Variants in COLGALT1 observed in about 807,000 individuals in gnomAD.
COLGALT1 encodes the protein procollagen galactosyltransferase 1.
In COLGALT1, 43 loss-of-function variants were observed where a neutral mutation model predicts 60.8. That is an observed-to-expected ratio of 0.71 (90% CI 0.55 to 0.91). The LOEUF is 0.91. COLGALT1 is among the 40% of genes least tolerant of loss of function. The pLI, the probability that COLGALT1 is intolerant of heterozygous loss-of-function variation, is 0.00. For synonymous variants in COLGALT1, 369 were observed against 374.2 expected, an observed-to-expected ratio of 0.99 and a Z score of 0.16; for missense variants, 845 against 880.0, an observed-to-expected ratio of 0.96 and a Z score of 0.50.
chr19:17,561,454 G>A (rs1406906356), intron 3 of COLGALT1, among the ~76,000 whole-genome samples: 3 of 151,734 alleles, frequency 2.0e-5, no homozygotes, highest in Non-Finnish European at 4.4e-5. Flanking sequence ...GCAGGAGGAA[G>A]GGGTCAGGGG....
intron 2 of COLGALT1, 150 bp downstream of exon 2, chr19:17,559,571 C>T: frequency 1.5e-6 from 1 of 647,324 alleles, no homozygotes; most frequent in South Asian, 1.8e-5. Context: ...GAGCCTCCCT[C>T]AGCTTTACAA....
At chr19:17,557,747 G>A (rs1482677044) in intron 1 of COLGALT1, among the ~76,000 whole-genome samples, 3 of 152,104 alleles carry the variant, frequency 2.0e-5, no homozygotes, top group Admixed American at 6.6e-5. Flanking sequence ...GACTACAGGC[G>A]TATGCCACTG....
rs1385786385 is a variant in COLGALT1 at position 17,582,549 on chromosome 19, G to A, written c.*1105G>A. On this transcript the variant is annotated 3_prime_UTR_variant, in exon 12 of 12. Transcript: ENST00000252599. ...GTTCAGTCTGCATTTTCGATCATGGGCTACATGCCGAGTGCTGGGGCACAG... is the reference window on the plus strand; with the variant it reads ...GTTCAGTCTGCATTTTCGATCATGGACTACATGCCGAGTGCTGGGGCACAG... 1.3e-5 allele frequency: 2 copies of A among 152,208 alleles called. No homozygotes were observed. Among genetic ancestry groups the A allele is most frequent in the Non-Finnish European group, 2.9e-5 (2 of 68,044 alleles). 9.4% of individuals were successfully genotyped at this position (152,208 alleles called of 1,614,324 possible).
At chr19:17,577,294 G>A (rs1335415473) in intron 7 of COLGALT1, 23 bp downstream of exon 7, 28 of 1,612,286 alleles carry the variant, frequency 1.7e-5, no homozygotes, top group Non-Finnish European at 2.3e-5. Context: ...TTCCCTGGAG[G>A]CGGGGCGGGG....
intron 5 of COLGALT1, among the ~76,000 whole-genome samples, chr19:17,569,139 G>A (rs1049701462): frequency 6.6e-6 from 1 of 152,044 alleles, no homozygotes; most frequent in African/African-American, 2.4e-5. Context: ...TTGAATATGG[G>A]AGGCGGAAGT....
At chr19:17,567,631 G>A in intron 4 of COLGALT1, 91 bp downstream of exon 4, 2 of 1,451,138 alleles carry the variant, frequency 1.4e-6, no homozygotes, top group Admixed American at 2.1e-5. Context: ...ACCTCGTGGT[G>A]TGTGTTTTAC....
intron 8 of COLGALT1, 97 bp from the exon 9 acceptor site, chr19:17,577,859 CA>C (rs2076353859): frequency 6.7e-7 from 1 of 1,488,142 alleles, no homozygotes; most frequent in African/African-American, 1.4e-5. Flanking sequence ...AGAGGTGGAC[CA>C]GCTGCTCAAC....
At chr19:17,567,185 C>T (rs2076284302) in intron 3 of COLGALT1, among the ~76,000 whole-genome samples, 1 of 152,186 alleles carries the variant, frequency 6.6e-6, no homozygotes, top group African/African-American at 2.4e-5. Flanking sequence ...ATCTCAGTGC[C>T]TAGAATTTTC....
chr19:17,558,996 TAA>T (rs1202747482), intron 1 of COLGALT1, among the ~76,000 whole-genome samples: 1 of 151,800 alleles, frequency 6.6e-6, no homozygotes, highest in African/African-American at 2.4e-5. Flanking sequence ...CCGTCTCTAC[TAA>T]AAATACAAAA....
At chr19:17,566,888 CG>C (rs1453770556) in intron 3 of COLGALT1, among the ~76,000 whole-genome samples, 1 of 152,046 alleles carries the variant, frequency 6.6e-6, no homozygotes, top group African/African-American at 2.4e-5. Context: ...CCGAGGTGGA[CG>C]AATCACATGA....
chr19:17,579,177 A>G (rs1407998052), intron 9 of COLGALT1, among the ~76,000 whole-genome samples: 7 of 152,040 alleles, frequency 4.6e-5, no homozygotes, highest in Middle Eastern at 3.2e-3. Flanking sequence ...CAAAAAAAAA[A>G]AAAAAGAAAA....
intron 6 of COLGALT1, among the ~76,000 whole-genome samples, chr19:17,576,586 A>T (rs1450073916): frequency 1.6e-5 from 2 of 128,754 alleles, no homozygotes; most frequent in African/African-American, 6.0e-5. Context: ...GGCTGGGAGC[A>T]GGGTGAAGCT....
At chr19:17,578,673 C>G (rs907402452) in intron 9 of COLGALT1, among the ~76,000 whole-genome samples, 2 of 152,196 alleles carry the variant, frequency 1.3e-5, no homozygotes, top group Non-Finnish European at 2.9e-5. Context: ...AAGATCGTGC[C>G]ACTGCACTGC....
intron 3 of COLGALT1, among the ~76,000 whole-genome samples, chr19:17,565,267 T>G (rs2076273965): frequency 6.6e-6 from 1 of 151,988 alleles, no homozygotes; most frequent in Admixed American, 6.6e-5. Context: ...GCGATTCTCC[T>G]GCGTTAGTCT....
At chr19:17,575,939 T>C (rs1192199336) in intron 6 of COLGALT1, among the ~76,000 whole-genome samples, 1 of 152,194 alleles carries the variant, frequency 6.6e-6, no homozygotes, top group Non-Finnish European at 1.5e-5. Context: ...TGGTTGGCAC[T>C]GGGGAGACAC....
chr19:17,577,464 G>A lies in COLGALT1; in HGVS notation c.1130G>A (p.Gly377Asp). 1 of 1,350,236 alleles carries A rather than the reference G, an allele frequency of 7.4e-7. No homozygotes were observed. Among genetic ancestry groups the A allele is most frequent in the Non-Finnish European group, 9.6e-7 (1 of 1,041,214 alleles). The allele number at this position is 1,350,236 out of a possible 1,614,324, so 83.6% of individuals were successfully genotyped here. The change falls in exon 8 of 12, where the codon GGC becomes GAC. Residue 377 changes from glycine (G) to aspartate (D), a missense_variant. Gly to Asp is a moderately conservative substitution (Grantham distance 94, BLOSUM62 -1). Coordinates refer to ENST00000252599, the MANE Select transcript of COLGALT1 (RefSeq NM_024656.4). The part of the protein sequence containing the change: ...IECRLVEAVD[G>D]KAMNTSQVEA... ...TGCCGGCTGGTGGAGGCCGTGGACG[G>A]CAAGTGAGTCCGAGGCCTGGGGGTG...
At position 17,567,286 on chromosome 19, in the gene COLGALT1, T is replaced by A. The variant is rs1243350356; in HGVS notation, c.490-120T>A. On this transcript the variant is annotated intron_variant, in intron 3 of 11. Transcript: ENST00000252599. ...GGGGTCCCTGCTTCATTTCATCCGGTGTAGGGGGTGCTTCCAGAGGTCTTT... is the reference window on the plus strand; with the variant it reads ...GGGGTCCCTGCTTCATTTCATCCGGAGTAGGGGGTGCTTCCAGAGGTCTTT... The A allele has an allele frequency of 2.2e-6, 3 of 1,333,618 alleles. No homozygotes were observed. In the African/African-American group the frequency reaches 4.3e-5, roughly 19 times the overall value. 82.6% of individuals were successfully genotyped at this position (1,333,618 alleles called of 1,614,324 possible).
chr19:17,567,906 G>A (rs1568476394), intron 4 of COLGALT1, among the ~76,000 whole-genome samples: 3 of 151,946 alleles, frequency 2.0e-5, no homozygotes, highest in Non-Finnish European at 4.4e-5. Flanking sequence ...CCGAGATCAC[G>A]CCACTGCACT....
chr19:17,568,652 C>T lies in COLGALT1; in HGVS notation c.768C>T (p.His256=), dbSNP rs141075377. 1.1e-5 allele frequency: 18 copies of T among 1,614,228 alleles called. No individual in the cohort carries two copies. The highest frequency in any genetic ancestry group is 4.5e-5 in the East Asian group (2 of 44,888). The stretch of plus-strand genomic sequence containing the variant: ...GGAACCTGGCCTTCTACCCACCTCA[C>T]CCTGACTACACCTGGTCCTTTGACG... ...ASRNLAFYPP[H]PDYTWSFDDI... is the part of the protein sequence containing the mutation. The change falls in exon 5 of 12, where the codon CAC becomes CAT. Residue 256 remains histidine (H), a synonymous_variant. Transcript: ENST00000252599.
Sources: gnomAD v4.1 joint callset for allele counts (sites outside exome capture counted in the v4.1 genomes callset) on GRCh38, gnomAD v4.1.1 for gene constraint, MANE v1.5 for transcripts, NCBI Gene and HGNC (gene_info 2026-07-23, HGNC 2026-07-21) for gene names.